Variants in IGFL2 observed in about 807,000 individuals in gnomAD.
The protein encoded by IGFL2 is IGF like family member 2.
A neutral mutation model predicts 13.9 loss-of-function variants in IGFL2; 7 were observed. The ratio of observed to expected loss-of-function variants is 0.51; its 90% confidence interval spans 0.29 to 0.95. The LOEUF is 0.95. IGFL2 is among the 40% of genes least tolerant of loss of function. The probability of loss-of-function intolerance (pLI) is 0.08; values close to 1 mark genes in which losing one functional copy is unlikely to be tolerated. For synonymous variants in IGFL2, 55 were observed against 55.8 expected (o/e 0.99, Z 0.07); for missense variants, 138 against 147.8 (o/e 0.93, Z 0.34).
chr19:46,128,413 T>A, the IGFL2 span, among the ~76,000 whole-genome samples: 1 of 152,198 alleles, frequency 6.6e-6, no homozygotes, highest in Non-Finnish European at 1.5e-5. Context: ...GGCATCCTTA[T>A]CTTGTACCAG....
At chr19:46,170,628 T>G in the IGFL2 span, among the ~76,000 whole-genome samples, 2 of 152,174 alleles carry the variant, frequency 1.3e-5, no homozygotes. Flanking sequence ...TATTGCTGAA[T>G]TCTTTTCCCA....
At chr19:46,127,945 T>C in the IGFL2 span, among the ~76,000 whole-genome samples, 8 of 152,208 alleles carry the variant, frequency 5.3e-5, no homozygotes, top group Non-Finnish European at 1.0e-4. Context: ...TATTGATTCT[T>C]CCTATCCATG....
At chr19:46,129,579 C>T in the IGFL2 span, among the ~76,000 whole-genome samples, 1 of 152,224 alleles carries the variant, frequency 6.6e-6, no homozygotes, top group Non-Finnish European at 1.5e-5. Context: ...TCATTGGTTT[C>T]AAATAGCTTC....
the IGFL2 span, among the ~76,000 whole-genome samples, chr19:46,125,766 C>T: frequency 6.6e-6 from 1 of 152,146 alleles, no homozygotes; most frequent in Admixed American, 6.5e-5. Context: ...CTAAGAAGGC[C>T]AACAATGTGA....
At chr19:46,154,355 C>T (rs1406465350) in intron 1 of IGFL2, among the ~76,000 whole-genome samples, 1 of 152,168 alleles carries the variant, frequency 6.6e-6, no homozygotes, top group African/African-American at 2.4e-5. Context: ...GGGTTTGAGG[C>T]TGTCTCTGAC....
At chr19:46,165,817 C>T (rs1974375456), downstream of IGFL2, among the ~76,000 whole-genome samples, 2 of 152,240 alleles carry the variant, frequency 1.3e-5, no homozygotes, top group Non-Finnish European at 2.9e-5. Context: ...TGGGTTGTCT[C>T]TTCTGTGAGC....
the IGFL2 span, among the ~76,000 whole-genome samples, chr19:46,199,878 T>A: frequency 1.3e-5 from 2 of 152,202 alleles, no homozygotes; most frequent in Non-Finnish European, 2.9e-5. Flanking sequence ...CATTCCTTTT[T>A]AAATTTTTTT....
At chr19:46,204,873 A>C in the IGFL2 span, 1 of 151,900 alleles carries the variant, frequency 6.6e-6, no homozygotes, top group East Asian at 1.9e-4. Context: ...TGCCTCCCGG[A>C]TTCAAGCGCT....
chr19:46,129,349 G>GTGTCTC, the IGFL2 span, among the ~76,000 whole-genome samples: 1 of 138,402 alleles, frequency 7.2e-6, no homozygotes, highest in Non-Finnish European at 1.6e-5. Context: ...GTGTGTGTGT[G>GTGTCTC]TGTCTCTGTC....
chr19:46,130,977 T>C, the IGFL2 span, among the ~76,000 whole-genome samples: 1 of 152,192 alleles, frequency 6.6e-6, no homozygotes, highest in African/African-American at 2.4e-5. Flanking sequence ...CTTTCCACTT[T>C]TTGGCTTCCG....
downstream of IGFL2, among the ~76,000 whole-genome samples, chr19:46,165,842 C>T (rs74975683): frequency 3.8e-4 from 58 of 152,380 alleles, 1 homozygote; most frequent in African/African-American, 1.4e-3. Context: ...CCCAATAGTC[C>T]TGTGCATCAA....
chr19:46,100,098 T>TA, the IGFL2 span, among the ~76,000 whole-genome samples: 1 of 152,170 alleles, frequency 6.6e-6, no homozygotes, highest in Non-Finnish European at 1.5e-5. Context: ...GTTTATTACC[T>TA]ACTTTCTGAA....
the IGFL2 span, among the ~76,000 whole-genome samples, chr19:46,088,136 C>G: frequency 6.6e-6 from 1 of 152,190 alleles, no homozygotes; most frequent in African/African-American, 2.4e-5. Context: ...TCTCTCCTTC[C>G]TTGCTTTTGG....
At chr19:46,151,978 A>T (rs1430543015) in intron 1 of IGFL2, among the ~76,000 whole-genome samples, 3 of 152,218 alleles carry the variant, frequency 2.0e-5, no homozygotes, top group Non-Finnish European at 4.4e-5. Flanking sequence ...GCACCTGAAC[A>T]ATATTAAGTC....
At chr19:46,199,979 C>T in the IGFL2 span, among the ~76,000 whole-genome samples, 12 of 152,046 alleles carry the variant, frequency 7.9e-5, no homozygotes, top group African/African-American at 2.2e-4. Flanking sequence ...CTGGTTCAAG[C>T]GATTCTCCTG....
chr19:46,102,151 G>T, the IGFL2 span, among the ~76,000 whole-genome samples: 2 of 152,210 alleles, frequency 1.3e-5, no homozygotes, highest in Non-Finnish European at 2.9e-5. Context: ...GTGTGTGATT[G>T]TACCCACTCT....
At chr19:46,178,318 G>A in the IGFL2 span, among the ~76,000 whole-genome samples, 2 of 152,066 alleles carry the variant, frequency 1.3e-5, no homozygotes, top group South Asian at 4.2e-4. Flanking sequence ...TAACACAACA[G>A]ACTCTGTGAC....
At chr19:46,207,164 A>AC in the IGFL2 span, 1 of 152,086 alleles carries the variant, frequency 6.6e-6, no homozygotes, top group Non-Finnish European at 1.5e-5. Context: ...CTTCCTGGAC[A>AC]CCCCATCCTC....
At chr19:46,162,465 A>G (rs1272593481), downstream of IGFL2, among the ~76,000 whole-genome samples, 1 of 151,908 alleles carries the variant, frequency 6.6e-6, no homozygotes, top group African/African-American at 2.4e-5. Context: ...ATAATCCCAT[A>G]CTTCTTGGAG....
Sources: allele counts gnomAD v4.1 joint callset (sites outside exome capture counted in the v4.1 genomes callset), GRCh38; gene constraint gnomAD v4.1.1; transcripts MANE v1.5; gene names NCBI Gene and HGNC (gene_info 2026-07-23, HGNC 2026-07-21).